The following ERG variants were observed in gnomAD, a reference collection of about 807,000 sequenced individuals.
ERG encodes the protein transcriptional regulator ERG.
A neutral mutation model predicts 55.3 loss-of-function variants in ERG; 9 were observed. That is an observed-to-expected ratio of 0.16 (90% confidence interval 0.10 to 0.28). The LOEUF is 0.28. Among genes scored for constraint, ERG ranks in the 10% least tolerant of loss-of-function variants. ERG has a pLI of 1.00. For missense variants in ERG, 434 were observed against 631.6 expected, an observed-to-expected ratio of 0.69 and a Z score of 3.35; for synonymous variants, 223 against 237.3, an observed-to-expected ratio of 0.94 and a Z score of 0.55.
chr21:38,656,747 C>A (rs1275630566), intron 1 of ERG, among the ~76,000 whole-genome samples: 2 of 152,170 alleles, frequency 1.3e-5, no homozygotes, highest in African/African-American at 2.4e-5. Flanking sequence ...AACTGAGGTT[C>A]AAATGCATTT....
chr21:38,656,976 A>G (rs779358691), intron 1 of ERG, among the ~76,000 whole-genome samples: 35 of 152,334 alleles, frequency 2.3e-4, no homozygotes, highest in Non-Finnish European at 4.3e-4. Context: ...AAGCAGGTAC[A>G]AAAATCTCAT....
chr21:38,640,236 T>C (rs557512566), intron 1 of ERG, among the ~76,000 whole-genome samples: 20 of 152,202 alleles, frequency 1.3e-4, no homozygotes, highest in Non-Finnish European at 2.9e-4. Context: ...TACAGCACAC[T>C]ATATGACTCA....
At chr21:38,576,188 T>A (rs146513533) in intron 1 of ERG, among the ~76,000 whole-genome samples, 218 of 152,356 alleles carry the variant, frequency 1.4e-3, no homozygotes, top group African/African-American at 4.9e-3. Context: ...TGTTATTAAG[T>A]TCTTAGTAAA....
At chr21:38,539,816 C>T (rs763486690) in intron 2 of ERG, among the ~76,000 whole-genome samples, 21 of 151,578 alleles carry the variant, frequency 1.4e-4, no homozygotes, top group Non-Finnish European at 2.6e-4. Flanking sequence ...CCCAGGTTGG[C>T]GTCTTGGAGG....
chr21:38,623,255 C>T (rs58009060), intron 1 of ERG, among the ~76,000 whole-genome samples: 23,431 of 149,354 alleles, frequency 0.16, 1,917 homozygotes, highest in East Asian at 0.3. Context: ...CACCACAGAG[C>T]ACACACATAA....
At chr21:38,463,760 G>T (rs527410012) in intron 1 of ERG, among the ~76,000 whole-genome samples, 1 of 152,234 alleles carries the variant, frequency 6.6e-6, no homozygotes, top group African/African-American at 2.4e-5. Context: ...GTGCTGGTTG[G>T]GGGGAAGCTG....
chr21:38,523,567 T>G (rs912104805), intron 2 of ERG, among the ~76,000 whole-genome samples: 2 of 152,016 alleles, frequency 1.3e-5, no homozygotes, highest in African/African-American at 4.8e-5. Flanking sequence ...CCTGATCTAC[T>G]TCTCTAAGCT....
At chr21:38,377,161 C>T (rs1396420841), downstream of ERG, among the ~76,000 whole-genome samples, 3 of 152,274 alleles carry the variant, frequency 2.0e-5, no homozygotes, top group Non-Finnish European at 4.4e-5. Flanking sequence ...TATCTCAAAG[C>T]GGTATTGTGC....
intron 1 of ERG, among the ~76,000 whole-genome samples, chr21:38,640,928 A>G (rs891760309): frequency 6.6e-6 from 1 of 152,228 alleles, no homozygotes; most frequent in Non-Finnish European, 1.5e-5. Context: ...CAGAAATACT[A>G]TTTGACTTTT....
rs555964061 is a variant in ERG at position 38,635,512 on chromosome 21, T to C, written c.-150+26146A>G. 3.9e-5 allele frequency among the ~76,000 whole-genome samples: 6 copies of C among 152,148 alleles called. No individual in the cohort carries two copies. The South Asian group carries it at 8.3e-4, about 21-fold the overall frequency. ...AAGAAATAGTGAGTAATTCGATAAA[T>C]GAAAAAGTAACCAAGAGGAAACTTC... On this transcript the variant is annotated intron_variant, in intron 1 of 10. Transcript: ENST00000398910.
At chr21:38,510,801 C>A (rs1421586237) in intron 2 of ERG, among the ~76,000 whole-genome samples, 2 of 152,144 alleles carry the variant, frequency 1.3e-5, no homozygotes, top group Non-Finnish European at 2.9e-5. Flanking sequence ...ACATTGAAAT[C>A]GATTTTCCCC....
At chr21:38,466,330 T>TGTGTGTGTGA (rs1402670381) in intron 1 of ERG, among the ~76,000 whole-genome samples, 2 of 151,634 alleles carry the variant, frequency 1.3e-5, no homozygotes, top group Admixed American at 1.3e-4. Flanking sequence ...TGTGTGTGTG[T>TGTGTGTGTGA]GTGATATAGA....
chr21:38,578,615 C>A (rs551918471), intron 1 of ERG, among the ~76,000 whole-genome samples: 3 of 152,040 alleles, frequency 2.0e-5, no homozygotes, highest in South Asian at 2.1e-4. Flanking sequence ...CAGATGCATG[C>A]GGGAGGATGA....
At chr21:38,588,316 C>CA (rs982083457), upstream of ERG, among the ~76,000 whole-genome samples, 9 of 151,968 alleles carry the variant, frequency 5.9e-5, no homozygotes, top group Admixed American at 1.3e-4. Context: ...AGAGACACCC[C>CA]CCACCACCAC....
At chr21:38,499,872 G>A (rs563115358), upstream of ERG, among the ~76,000 whole-genome samples, 3 of 150,374 alleles carry the variant, frequency 2.0e-5, no homozygotes, top group Admixed American at 2.0e-4. Context: ...AAGGGAGGGA[G>A]GGAGGGAAAG....
intron 2 of ERG, among the ~76,000 whole-genome samples, chr21:38,547,511 T>C (rs2059795571): frequency 6.6e-6 from 1 of 152,116 alleles, no homozygotes; most frequent in Non-Finnish European, 1.5e-5. Flanking sequence ...TATTTAATGG[T>C]AAAGCAAGGA....
At chr21:38,637,462 G>T (rs1428268958) in intron 1 of ERG, among the ~76,000 whole-genome samples, 1 of 152,114 alleles carries the variant, frequency 6.6e-6, no homozygotes, top group Non-Finnish European at 1.5e-5. Context: ...ATTAGACACT[G>T]TACTACTAAT....
rs534759071 is a variant in ERG, at chr21:38,486,804, T to C, written c.18+11559A>G. On this transcript the variant is annotated intron_variant, in intron 1 of 9. Transcript: ENST00000288319. The stretch of plus-strand genomic sequence containing the variant: ...GGCTCAAGAGATCCTTTGCTTTGGC[T>C]TCCCGAGAAGCTGAAACTACAGGCA... Among the ~76,000 whole-genome samples the C allele has an allele frequency of 4.6e-4, 70 of 152,308 alleles. 1 individual carries two copies. In the South Asian group the frequency reaches 0.015, roughly 32 times the overall value.
In ERG at chr21:38,418,698, G is replaced by A. The variant is rs181776880; in HGVS notation, c.388+4712C>T. 2.2e-4 allele frequency among the ~76,000 whole-genome samples: 33 copies of A among 152,050 alleles called. No homozygotes were observed. The East Asian group carries it at 5.5e-3, about 25-fold the overall frequency. On this transcript the variant is annotated intron_variant, in intron 3 of 9. Coordinates refer to ENST00000288319, the MANE Select transcript of ERG (RefSeq NM_182918.4). ...TCCCAGCACTTTGGGAGGCCGAGGT[G>A]GGCGGATCACCTGAGGTCAGGAGTT...
Sources: gnomAD v4.1 joint callset for allele counts (sites outside exome capture counted in the v4.1 genomes callset) on GRCh38, gnomAD v4.1.1 for gene constraint, MANE v1.5 for transcripts, NCBI Gene and HGNC (gene_info 2026-07-23, HGNC 2026-07-21) for gene names.